The following DLG2 variants were observed in gnomAD, a reference collection of about 807,000 sequenced individuals.
DLG2 encodes the protein disks large homolog 2.
A neutral mutation model predicts 132.5 loss-of-function variants in DLG2; 45 were observed. The ratio of observed to expected loss-of-function variants is 0.34; its 90% CI spans 0.27 to 0.44. The LOEUF (loss-of-function observed/expected upper bound fraction) is 0.44, where lower values mean the gene tolerates loss of function less well. DLG2 is among the 20% of genes least tolerant of loss of function. DLG2 has a pLI of 1.00. For missense variants in DLG2, 1,045 were observed against 1,196.9 expected (o/e 0.87, Z 1.87); for synonymous variants, 424 against 419.6 (o/e 1.01, Z -0.13).
intron 19 of DLG2, among the ~76,000 whole-genome samples, chr11:83,569,436 T>C (rs1389978857): frequency 6.6e-6 from 1 of 152,204 alleles, no homozygotes; most frequent in Non-Finnish European, 1.5e-5. Context: ...TTTTTTGCTA[T>C]ATGTCAAGTC....
chr11:84,600,165 A>G (rs2099572691), intron 6 of DLG2, among the ~76,000 whole-genome samples: 1 of 103,178 alleles, frequency 9.7e-6, no homozygotes. Context: ...AGAAGGAAAG[A>G]AAGAAAGAAA....
chr11:85,519,353 G>T (rs1231726582), intron 3 of DLG2, among the ~76,000 whole-genome samples: 1 of 152,228 alleles, frequency 6.6e-6, no homozygotes, highest in Admixed American at 6.5e-5. Context: ...GCTTCAGAGT[G>T]ACCTGGATGT....
chr11:84,176,508 CT>C (rs2095973320), intron 8 of DLG2, among the ~76,000 whole-genome samples: 1 of 151,528 alleles, frequency 6.6e-6, no homozygotes, highest in South Asian at 2.1e-4. Flanking sequence ...TGTTTTTTCT[CT>C]GTTAGATTCA....
At chr11:83,799,173 T>A (rs534373047) in intron 17 of DLG2, among the ~76,000 whole-genome samples, 1 of 152,326 alleles carries the variant, frequency 6.6e-6, no homozygotes, top group African/African-American at 2.4e-5. Flanking sequence ...AAACTACAGA[T>A]ATCACATTCA....
intron 19 of DLG2, among the ~76,000 whole-genome samples, chr11:83,558,660 G>T (rs928415315): frequency 1.1e-4 from 16 of 152,160 alleles, no homozygotes; most frequent in African/African-American, 3.9e-4. Context: ...ATCTGTTTGT[G>T]ATATGTGTCT....
chr11:83,587,096 G>A (rs2153274834), intron 19 of DLG2, among the ~76,000 whole-genome samples: 1 of 152,276 alleles, frequency 6.6e-6, no homozygotes, highest in East Asian at 1.9e-4. Context: ...TCTTTGTAAA[G>A]TGCCTAACAC....
chr11:83,866,466 G>A (rs984303154), intron 16 of DLG2, among the ~76,000 whole-genome samples: 2 of 152,070 alleles, frequency 1.3e-5, no homozygotes, highest in African/African-American at 4.8e-5. Context: ...ATATTAACTA[G>A]CTCTTTAGTG....
intron 5 of DLG2, among the ~76,000 whole-genome samples, chr11:85,133,601 T>C (rs2075906273): frequency 6.6e-6 from 1 of 152,194 alleles, no homozygotes; most frequent in East Asian, 1.9e-4. Context: ...ATGTGTGTGG[T>C]CCATGACATA....
chr11:85,069,474 C>T lies in DLG2; in HGVS notation c.357+42187G>A, dbSNP rs184766362. On this transcript the variant is annotated intron_variant, in intron 6 of 27. Transcript: ENST00000376104. ...CTTACAAGAAAAAAACAAACAACCC[C>T]ATCAAAAAGTGGGCGAAGGATATGA... Among the ~76,000 whole-genome samples the T allele has an allele frequency of 1.1e-3, 161 of 152,180 alleles. 1 individual carries two copies. The highest frequency in any genetic ancestry group is 3.8e-3 in the African/African-American group (156 of 41,522).
intron 26 of DLG2, among the ~76,000 whole-genome samples, chr11:83,465,591 T>C (rs895927643): frequency 1.5e-4 from 23 of 152,202 alleles, no homozygotes; most frequent in Non-Finnish European, 2.9e-4. Flanking sequence ...ACTGTTTATG[T>C]GTTTTATAAT....
At chr11:84,729,244 C>T (rs1395886118) in intron 6 of DLG2, among the ~76,000 whole-genome samples, 1 of 152,170 alleles carries the variant, frequency 6.6e-6, no homozygotes, top group African/African-American at 2.4e-5. Context: ...TCCCTCTACA[C>T]ACTGCTTTAA....
intron 7 of DLG2, among the ~76,000 whole-genome samples, chr11:84,305,933 G>T (rs1315415489): frequency 6.6e-6 from 1 of 151,980 alleles, no homozygotes. Context: ...ATTAATGTAT[G>T]GTATGGCAAT....
At chr11:84,917,965 G>A (rs991739675) in intron 6 of DLG2, among the ~76,000 whole-genome samples, 17 of 152,052 alleles carry the variant, frequency 1.1e-4, no homozygotes, top group African/African-American at 3.9e-4. Flanking sequence ...GGTGTTACTC[G>A]AACGGTCCAT....
Position 85,285,227 on chromosome 11 carries a change from G to A in DLG2, c.179C>T (p.Ser60Phe). 1 of 1,611,058 alleles carries A rather than the reference G, an allele frequency of 6.2e-7. No individual in the cohort carries two copies. The highest frequency in any genetic ancestry group is 8.5e-7 in the Non-Finnish European group (1 of 1,178,192). Reference sequence around the variant, plus strand: ...GAAGTTTCAGTAGTATACCTCTGAAGATTTTTGAAGTCTGTCATGGCACGG... The same window carrying A: ...GAAGTTTCAGTAGTATACCTCTGAAAATTTTTGAAGTCTGTCATGGCACGG... ...LAPCHDRLQK[S>F]SELTDCSGSK... is the part of the protein sequence containing the mutation. Residue 60 changes from serine to phenylalanine, a missense_variant, in exon 4 of 28, where the codon TCT (serine) becomes TTT (phenylalanine). By Grantham distance (155) the Ser-to-Phe change is radical. Coordinates refer to ENST00000376104, the MANE Select transcript of DLG2 (RefSeq NM_001142699.3).
chr11:84,365,265 A>G (rs1460310489), intron 7 of DLG2, among the ~76,000 whole-genome samples: 1 of 152,130 alleles, frequency 6.6e-6, no homozygotes, highest in Non-Finnish European at 1.5e-5. Context: ...CGAGGAATTT[A>G]TCCATTTCTT....
chr11:84,408,957 C>T (rs1167418074), intron 7 of DLG2, among the ~76,000 whole-genome samples: 2 of 152,134 alleles, frequency 1.3e-5, no homozygotes, highest in African/African-American at 2.4e-5. Context: ...GCTGACAGAA[C>T]GATCCTGCTG....
chr11:84,859,886 C>T (rs780801043), intron 6 of DLG2, among the ~76,000 whole-genome samples: 2 of 152,076 alleles, frequency 1.3e-5, no homozygotes, highest in African/African-American at 2.4e-5. Flanking sequence ...AACTGCCCTT[C>T]AAAATTCAAG....
chr11:84,987,824 T>C (rs2056662569), intron 6 of DLG2, among the ~76,000 whole-genome samples: 1 of 152,142 alleles, frequency 6.6e-6, no homozygotes, highest in Non-Finnish European at 1.5e-5. Context: ...TTCTCGATGA[T>C]AACATTGGAA....
chr11:84,610,621 G>T (rs2099593746), intron 6 of DLG2, among the ~76,000 whole-genome samples: 1 of 152,102 alleles, frequency 6.6e-6, no homozygotes. Context: ...TCAATGGCAA[G>T]CCCCTCCCCT....
Sources: gnomAD v4.1 joint callset for allele counts (sites outside exome capture counted in the v4.1 genomes callset) on GRCh38, gnomAD v4.1.1 for gene constraint, MANE v1.5 for transcripts, NCBI Gene and HGNC (gene_info 2026-07-23, HGNC 2026-07-21) for gene names.